SF3B1: variants seen among roughly 807,000 people sequenced by gnomAD.
SF3B1 encodes pre-mRNA processing 10.
A neutral mutation model predicts 153.8 loss-of-function variants in SF3B1; 12 were observed. The observed-to-expected ratio is 0.08, with a 90% CI of 0.05 to 0.13. The LOEUF is 0.13. Ranked by LOEUF, SF3B1 falls within the 10% of genes least tolerant of loss-of-function variation. The probability of loss-of-function intolerance (pLI) is 1.00; values close to 1 mark genes in which losing one functional copy is unlikely to be tolerated. For synonymous variants in SF3B1, 498 were observed against 525.2 expected (o/e 0.95, Z 0.71); for missense variants, 513 against 1,606.1 (o/e 0.32, Z 11.63).
intron 2 of SF3B1, among the ~76,000 whole-genome samples, chr2:197,422,545 G>A (rs1326967706): frequency 1.3e-5 from 2 of 151,774 alleles, no homozygotes; most frequent in African/African-American, 4.8e-5. Flanking sequence ...AGAATTTAAA[G>A]TATAATAATA....
In SF3B1 at chr2:197,421,067, C is replaced by T. The variant is rs777196787; in HGVS notation, c.262G>A (p.Val88Met). ...GQKKPGYHAP[V>M]ALLNDIPQST... ...TGTGGTATATCATTAAGCAATGCCACAGGGGCATGATATCCTGGCTTCTTC... is the reference window on the plus strand; with the variant it reads ...TGTGGTATATCATTAAGCAATGCCATAGGGGCATGATATCCTGGCTTCTTC... The change falls in exon 3 of 25, where the codon GTG (valine) becomes ATG (methionine). Residue 88 changes from valine (V) to methionine (M), a missense_variant. Physicochemically the swap from Val to Met is conservative, Grantham distance 21. Coordinates refer to ENST00000335508, the MANE Select transcript of SF3B1 (RefSeq NM_012433.4). The T allele has an allele frequency of 1.2e-5, 20 of 1,612,888 alleles. No individual in the cohort carries two copies. Among genetic ancestry groups the T allele is most frequent in the African/African-American group, 2.7e-5 (2 of 74,840 alleles).
intron 22 of SF3B1, 31 bp downstream of exon 22, chr2:197,397,954 T>A (rs758534156): frequency 2.2e-6 from 3 of 1,379,724 alleles, no homozygotes; most frequent in Non-Finnish European, 3.0e-6. Flanking sequence ...TATAAAGTAA[T>A]TTTTTTTTAA....
At chr2:197,410,070 A>G (rs901426410) in intron 6 of SF3B1, 63 bp from the exon 7 acceptor site, 5 of 1,210,078 alleles carry the variant, frequency 4.1e-6, no homozygotes, top group Admixed American at 2.2e-5. Flanking sequence ...AAATTTCCAT[A>G]AAATAAAAAA....
In SF3B1 at chr2:197,404,399, G is replaced by A. The variant is rs560024299; in HGVS notation, c.1540-635C>T. Among the ~76,000 whole-genome samples, 8 of 152,208 alleles carry A rather than the reference G, an allele frequency of 5.3e-5. No homozygotes were observed. In the East Asian group the frequency reaches 9.6e-4, roughly 18 times the overall value. On this transcript the variant is annotated intron_variant, in intron 11 of 24. Transcript: ENST00000335508. Reference sequence around the variant, plus strand: ...GTTCAAGACCAGCTTGGCCAACATGGTGAAACCCCGTTTCTACTAAAAATA... The same window carrying A: ...GTTCAAGACCAGCTTGGCCAACATGATGAAACCCCGTTTCTACTAAAAATA...
At chr2:197,434,224 T>C (rs2106030024) in intron 1 of SF3B1, among the ~76,000 whole-genome samples, 1 of 152,352 alleles carries the variant, frequency 6.6e-6, no homozygotes, top group Non-Finnish European at 1.5e-5. Context: ...CCATTTTCTG[T>C]CATCTCTGGA....
chr2:197,392,504 A>G, intron 24 of SF3B1, 43 bp from the exon 25 acceptor site: 1 of 835,188 alleles, frequency 1.2e-6, no homozygotes, highest in South Asian at 1.7e-5. Flanking sequence ...TTTTAAGAAC[A>G]TACATAACCT....
chr2:197,404,523 G>A (rs1004140084), intron 11 of SF3B1, among the ~76,000 whole-genome samples: 1 of 151,968 alleles, frequency 6.6e-6, no homozygotes, highest in African/African-American at 2.4e-5. Flanking sequence ...GTTGCAGTGA[G>A]CCAAGACTAC....
intron 12 of SF3B1, 61 bp from the exon 13 acceptor site, chr2:197,403,096 G>A (rs755736168): frequency 1.7e-5 from 20 of 1,205,416 alleles, no homozygotes; most frequent in South Asian, 6.4e-5. Context: ...AAATGCTCAT[G>A]TACAGAATTA....
At chr2:197,430,067 G>C (rs1470950971) in intron 1 of SF3B1, among the ~76,000 whole-genome samples, 1 of 152,090 alleles carries the variant, frequency 6.6e-6, no homozygotes, top group Non-Finnish European at 1.5e-5. Context: ...AACTGAAAAA[G>C]ATTTAAGAGA....
rs75402325 is a variant in SF3B1, at chr2:197,415,135, C to T, written c.666+1606G>A. 7.6e-3 allele frequency among the ~76,000 whole-genome samples: 1,108 copies of T among 145,858 alleles called. 18 individuals are homozygous for T. The highest frequency in any genetic ancestry group is 0.031 in the South Asian group (138 of 4,512). On this transcript the variant is annotated intron_variant, in intron 6 of 24. Coordinates refer to ENST00000335508, the MANE Select transcript of SF3B1 (RefSeq NM_012433.4). ...TTGTTGCTGTTATTAAGACAAAGCA[C>T]GATAAAACATGTTTGCTGGTGCTGA...
intron 6 of SF3B1, 108 bp downstream of exon 6, chr2:197,416,633 A>T: frequency 2.2e-6 from 2 of 917,798 alleles, no homozygotes; most frequent in Non-Finnish European, 3.3e-6. Flanking sequence ...TCTGTTGTTT[A>T]AGGCACCCAG....
Position 197,401,057 on chromosome 2 carries a change from G to T in SF3B1, c.2497-121C>A. ...TTTAGCTAATAAACATGGTAAGAAT[G>T]ATTCATTGCTACTTATTAAAGTTGA... On this transcript the variant is annotated intron_variant, in intron 17 of 24. Coordinates refer to ENST00000335508, the MANE Select transcript of SF3B1 (RefSeq NM_012433.4). This position sits in a 1 kb window ranked among gnomAD's most constrained non-coding sequence, Gnocchi z 4.2. 1 of 647,262 alleles carries T rather than the reference G, an allele frequency of 1.5e-6. No homozygotes were observed. The highest frequency in any genetic ancestry group is 2.6e-6 in the Non-Finnish European group (1 of 379,074). The allele number at this position is 647,262 out of a possible 1,614,324, so 40.1% of individuals were successfully genotyped here.
intron 7 of SF3B1, 71 bp downstream of exon 7, chr2:197,409,699 C>A: frequency 8.2e-7 from 1 of 1,214,958 alleles, no homozygotes; most frequent in Non-Finnish European, 1.2e-6. Flanking sequence ...CAGGAATAAA[C>A]AGAACACATT....
At position 197,396,145 on chromosome 2, in the gene SF3B1, C is replaced by T. The variant is rs560072330; in HGVS notation, c.3450G>A (p.Ser1150=). 19 of 1,613,624 alleles carry T rather than the reference C, an allele frequency of 1.2e-5. No individual in the cohort carries two copies. Among genetic ancestry groups the T allele is most frequent in the Middle Eastern group, 1.7e-4 (1 of 6,058 alleles). ...CAATATATTCAAACAAGAAGGAAAG[C>T]GATTTTAACACTCCATTTTGAACAT... ...ELNVQNGVLK[S]LSFLFEYIGE... Residue 1150 remains serine, a synonymous_variant, in exon 23 of 25, where the codon TCG becomes TCA. Transcript: ENST00000335508.
Position 197,401,859 on chromosome 2 carries a change from C to G in SF3B1, c.2253G>C (p.Gly751=), listed in dbSNP as rs1309573549. Residue 751 remains glycine, a synonymous_variant, in exon 16 of 25, where the codon GGG becomes GGC. Transcript: ENST00000335508. This position sits in a 1 kb window ranked among gnomAD's most constrained non-coding sequence, Gnocchi z 4.2. The part of the protein sequence containing the change: ...KGLAAFLKAI[G]YLIPLMDAEY... ...CTGCATCCATAAGAGGAATAAGATA[C>G]CCAATAGCCTTCAAGAAAGCAGCCA... 1 of 1,605,522 alleles carries G rather than the reference C, an allele frequency of 6.2e-7. No individual in the cohort carries two copies. Among genetic ancestry groups the G allele is most frequent in the Non-Finnish European group, 8.5e-7 (1 of 1,177,366 alleles).
At position 197,402,661 on chromosome 2, in the gene SF3B1, A is replaced by C. The variant is rs2084947818; in HGVS notation, c.1972T>G (p.Trp658Gly). The C allele has an allele frequency of 6.2e-7, 1 of 1,614,182 alleles. No individual in the cohort carries two copies. The highest frequency in any genetic ancestry group is 8.5e-7 in the Non-Finnish European group (1 of 1,180,012). The change falls in exon 14 of 25, where the codon TGG becomes GGG. Residue 658 changes from tryptophan to glycine, a missense_variant. By Grantham distance (184) the Trp-to-Gly change is radical. Transcript: ENST00000335508. This position sits in a 1 kb window ranked among gnomAD's most constrained non-coding sequence, Gnocchi z 4.6. ...TTAATACCAGTGTGTCTCGCTTGCC[A>C]GGACTTCTTGCTTTTGCACACAGCT... ...LKAVCKSKKS[W>G]QARHTGIKIV... is the part of the protein sequence containing the mutation.
rs201432897 is a variant in SF3B1, at chr2:197,435,002, T to A, written c.-3A>T. ...TGAGTCTTGGCGATCTTCGCCATTTTGTCCACTCGAACACACAGACGGAAC... is the reference window on the plus strand; with the variant it reads ...TGAGTCTTGGCGATCTTCGCCATTTAGTCCACTCGAACACACAGACGGAAC... On this transcript the variant is annotated 5_prime_UTR_variant, in exon 1 of 25. Transcript: ENST00000335508. 6 of 1,614,162 alleles carry A rather than the reference T, an allele frequency of 3.7e-6. No individual in the cohort carries two copies. Among genetic ancestry groups the A allele is most frequent in the Non-Finnish European group, 5.1e-6 (6 of 1,180,050 alleles).
intron 23 of SF3B1, among the ~76,000 whole-genome samples, chr2:197,393,579 A>G (rs775258404): frequency 2.4e-4 from 37 of 151,728 alleles, no homozygotes; most frequent in Non-Finnish European, 5.2e-4. Flanking sequence ...CAGCCTCCTG[A>G]GTAGCTGGAA....
At chr2:197,408,259 C>A in intron 8 of SF3B1, 110 bp downstream of exon 8, 2 of 1,266,326 alleles carry the variant, frequency 1.6e-6, no homozygotes, top group South Asian at 1.4e-5. Context: ...ATTTGTATAT[C>A]TCCTTATTCT....
Sources: allele counts gnomAD v4.1 joint callset (sites outside exome capture counted in the v4.1 genomes callset), GRCh38; gene constraint gnomAD v4.1.1; non-coding constraint Gnocchi (gnomAD v3.1); transcripts MANE v1.5; gene names NCBI Gene and HGNC (gene_info 2026-07-23, HGNC 2026-07-21).